The following GGA2 variants were observed in gnomAD, a reference collection of about 807,000 sequenced individuals.
The protein encoded by GGA2 is ADP-ribosylation factor-binding protein GGA2.
A neutral mutation model predicts 79.5 loss-of-function variants in GGA2; 48 were observed. The observed-to-expected ratio is 0.60, with a 90% CI of 0.48 to 0.77. The LOEUF (loss-of-function observed/expected upper bound fraction) is 0.77, where lower values mean the gene tolerates loss of function less well. GGA2 is among the 30% of genes least tolerant of loss of function. The pLI is 0.00. For missense variants in GGA2, 770 were observed against 774.0 expected (o/e 0.99, Z 0.06); for synonymous variants, 317 against 302.0 (o/e 1.05, Z -0.51).
intron 14 of GGA2, among the ~76,000 whole-genome samples, chr16:23,470,915 T>C (rs1196618861): frequency 6.9e-6 from 1 of 144,086 alleles, no homozygotes. Context: ...CCGCAACCTC[T>C]GCCTCCCGGA....
At chr16:23,509,353 T>C (rs1337369173) in intron 1 of GGA2, among the ~76,000 whole-genome samples, 1 of 152,060 alleles carries the variant, frequency 6.6e-6, no homozygotes, top group Admixed American at 6.5e-5. Flanking sequence ...GCACACGCAG[T>C]TTCTTCTGCC....
chr16:23,465,663 G>A lies in GGA2; in HGVS notation c.*1927C>T, dbSNP rs1217272311. On this transcript the variant is annotated 3_prime_UTR_variant, in exon 17 of 17. Transcript: ENST00000309859. Reference sequence around the variant, plus strand: ...AGCCTATAAAAGCTACACAGAGGCCGGGTGCGGTGGCTCACGCCTGTAATC... The same window carrying A: ...AGCCTATAAAAGCTACACAGAGGCCAGGTGCGGTGGCTCACGCCTGTAATC... 3.0e-5 allele frequency: 14 copies of A among 461,332 alleles called. No individual in the cohort carries two copies. Among genetic ancestry groups the A allele is most frequent in the South Asian group, 8.9e-5 (3 of 33,848 alleles). The allele number at this position is 461,332 out of a possible 1,614,324, so 28.6% of individuals were successfully genotyped here. A position where few individuals can be genotyped will look rare whatever the true frequency, so the allele number is the denominator to read the frequency against.
chr16:23,498,967 T>C (rs1224144725), intron 1 of GGA2, among the ~76,000 whole-genome samples: 1 of 152,138 alleles, frequency 6.6e-6, no homozygotes. Flanking sequence ...GACTTCAGCA[T>C]GTGACTGGAC....
intron 1 of GGA2, among the ~76,000 whole-genome samples, chr16:23,500,254 A>T (rs763264148): frequency 3.9e-5 from 6 of 152,240 alleles, no homozygotes; most frequent in African/African-American, 7.2e-5. Flanking sequence ...GGGAAGAGGT[A>T]TAAGTGCTGA....
chr16:23,480,199 T>C, intron 10 of GGA2: 1 of 373,190 alleles, frequency 2.7e-6, no homozygotes, highest in Non-Finnish European at 5.0e-6. Flanking sequence ...CACAGCTGAT[T>C]AGAATCACCC....
At chr16:23,501,847 T>G (rs1249266475) in intron 1 of GGA2, among the ~76,000 whole-genome samples, 1 of 152,148 alleles carries the variant, frequency 6.6e-6, no homozygotes, top group African/African-American at 2.4e-5. Flanking sequence ...GTATGAACAG[T>G]GGGTGCCAGG....
At position 23,482,935 on chromosome 16, in the gene GGA2, C is replaced by T. The variant is rs781558727; in HGVS notation, c.868G>A (p.Asp290Asn). ...AAAGAAAACTTACCGAGTGCATCAT[C>T]GTCATCAGTGGTGTCACTCGCCAAC... is the stretch of plus-strand genomic sequence containing the variant. ...FRLASDTTDD[D>N]DALAEILQAN... Residue 290 changes from aspartate (D) to asparagine (N), a missense_variant, in exon 9 of 17, where the codon GAT becomes AAT. Transcript: ENST00000309859. The T allele has an allele frequency of 5.0e-6, 8 of 1,604,710 alleles. No individual in the cohort carries two copies. The highest frequency in any genetic ancestry group is 1.3e-5 in the African/African-American group (1 of 74,854).
chr16:23,487,980 C>T (rs1401111854), intron 6 of GGA2, among the ~76,000 whole-genome samples: 1 of 152,336 alleles, frequency 6.6e-6, no homozygotes, highest in East Asian at 1.9e-4. Context: ...GGGCTCCCCA[C>T]TCACAGGCAC....
chr16:23,515,379 A>G (rs982881053), upstream of GGA2, among the ~76,000 whole-genome samples: 17 of 151,522 alleles, frequency 1.1e-4, no homozygotes, highest in Non-Finnish European at 2.4e-4. Context: ...GATGGATTAT[A>G]TGAGGTCAGG....
intron 1 of GGA2, among the ~76,000 whole-genome samples, chr16:23,503,736 G>GA (rs1372016059): frequency 6.6e-6 from 1 of 152,090 alleles, no homozygotes; most frequent in African/African-American, 2.4e-5. Context: ...CCTATGGGGG[G>GA]AAAAAAGATT....
chr16:23,483,283 G>A (rs1365111996), intron 8 of GGA2, among the ~76,000 whole-genome samples: 2 of 152,182 alleles, frequency 1.3e-5, no homozygotes, highest in Admixed American at 1.3e-4. Flanking sequence ...AAGGTGGGCT[G>A]ATCACCTGAA....
intron 1 of GGA2, among the ~76,000 whole-genome samples, chr16:23,508,702 CGCAA>C (rs1965002524): frequency 6.6e-6 from 1 of 152,108 alleles, no homozygotes; most frequent in African/African-American, 2.4e-5. Flanking sequence ...AAGCTTCTCC[CGCAA>C]GCTCACTGCC....
At chr16:23,498,483 C>T (rs1204593542) in intron 1 of GGA2, among the ~76,000 whole-genome samples, 1 of 152,060 alleles carries the variant, frequency 6.6e-6, no homozygotes, top group Non-Finnish European at 1.5e-5. Flanking sequence ...AATCCCAGCA[C>T]TTTGGAGGCC....
upstream of GGA2, chr16:23,522,016 T>C (rs925981438): frequency 8.8e-5 from 30 of 340,672 alleles, no homozygotes; most frequent in African/African-American, 6.2e-4. Flanking sequence ...GCTTCTCTCA[T>C]AGTGTTATAA....
At chr16:23,503,156 G>A (rs1345896225) in intron 1 of GGA2, among the ~76,000 whole-genome samples, 1 of 152,088 alleles carries the variant, frequency 6.6e-6, no homozygotes, top group African/African-American at 2.4e-5. Flanking sequence ...TCTTTCTTGT[G>A]TTTGCTTTCA....
chr16:23,510,015 G>C (rs1259362838), intron 1 of GGA2, among the ~76,000 whole-genome samples: 1 of 150,042 alleles, frequency 6.7e-6, no homozygotes, highest in Non-Finnish European at 1.5e-5. Flanking sequence ...ACAGTGCCTG[G>C]CGCAGGGGAA....
At chr16:23,501,311 C>T (rs1186706954) in intron 1 of GGA2, 1 of 456,864 alleles carries the variant, frequency 2.2e-6, no homozygotes, top group African/African-American at 2.0e-5. Context: ...TGGAGCCATG[C>T]TTCTTGCCTC....
At chr16:23,496,494 A>G (rs1024384386) in intron 1 of GGA2, among the ~76,000 whole-genome samples, 12 of 151,980 alleles carry the variant, frequency 7.9e-5, no homozygotes, top group African/African-American at 2.9e-4. Flanking sequence ...GAAGACAAGA[A>G]CACACCACCA....
At chr16:23,510,500 A>C (rs1965030546), upstream of GGA2, 1 of 482,292 alleles carries the variant, frequency 2.1e-6, no homozygotes, top group East Asian at 3.7e-5. Context: ...ACTGCGCGGC[A>C]GGAGCGGTGG....
Sources: gnomAD v4.1 joint callset for allele counts (sites outside exome capture counted in the v4.1 genomes callset) on GRCh38, gnomAD v4.1.1 for gene constraint, MANE v1.5 for transcripts, NCBI Gene and HGNC (gene_info 2026-07-23, HGNC 2026-07-21) for gene names.